Variants in PLA2G5 observed in about 807,000 individuals in gnomAD.
PLA2G5 encodes the protein Ca2+-dependent phospholipase A2.
PLA2G5 carries 12 observed loss-of-function variants against 15.9 expected under a neutral mutation model. That is an observed-to-expected ratio of 0.76 (90% CI 0.48 to 1.23). The LOEUF (loss-of-function observed/expected upper bound fraction) is 1.23. Among genes scored for constraint, PLA2G5 ranks in the 50% most tolerant of loss-of-function variants. The probability of loss-of-function intolerance (pLI) is 0.00; values close to 1 mark genes in which losing one functional copy is unlikely to be tolerated. For synonymous variants in PLA2G5, 71 were observed against 71.4 expected (o/e 0.99, Z 0.03); for missense variants, 169 against 177.1 (o/e 0.95, Z 0.26).
chr1:20,065,072 A>T (rs372089343), intron 2 of PLA2G5, among the ~76,000 whole-genome samples: 1 of 152,206 alleles, frequency 6.6e-6, no homozygotes, highest in African/African-American at 2.4e-5. Flanking sequence ...AATGCACGCA[A>T]TAACTTCAGG....
chr1:20,059,185 C>T (rs1278777678), intron 1 of PLA2G5, among the ~76,000 whole-genome samples: 1 of 150,596 alleles, frequency 6.6e-6, no homozygotes, highest in East Asian at 2.0e-4. Context: ...ATAATCCCAG[C>T]ACTTTGAGAG....
chr1:20,055,531 C>T (rs777490980), intron 1 of PLA2G5, among the ~76,000 whole-genome samples: 2 of 152,180 alleles, frequency 1.3e-5, no homozygotes, highest in Non-Finnish European at 1.5e-5. Context: ...TGATGTTTGG[C>T]TGCAGGACCA....
intron 1 of PLA2G5, among the ~76,000 whole-genome samples, chr1:20,031,426 G>A (rs1389021511): frequency 6.6e-6 from 1 of 152,146 alleles, no homozygotes; most frequent in East Asian, 1.9e-4. Flanking sequence ...TTGAGTGGGA[G>A]AGAAATTTTG....
rs542707220 is a variant in PLA2G5 at position 20,072,885 on chromosome 1, G to A, written c.-11+2420G>A. ...TCCCCTGTCTTAACAGACAGACACT[G>A]GGTTAGAAACTTTTCGGTGCTTGCA... On this transcript the variant is annotated intron_variant, in intron 1 of 4. Coordinates refer to ENST00000375108, the MANE Select transcript of PLA2G5 (RefSeq NM_000929.3). Among the ~76,000 whole-genome samples the A allele has an allele frequency of 4.6e-5, 7 of 152,332 alleles. 1 individual carries two copies. The East Asian group carries it at 1.3e-3, about 29-fold the overall frequency.
intron 1 of PLA2G5, among the ~76,000 whole-genome samples, chr1:20,045,059 G>A (rs1185158793): frequency 6.6e-6 from 1 of 152,154 alleles, no homozygotes; most frequent in East Asian, 1.9e-4. Flanking sequence ...TGGAGAAATT[G>A]AAAGTGCCAT....
chr1:20,088,602 T>C (rs949556675), intron 3 of PLA2G5, among the ~76,000 whole-genome samples: 22 of 152,108 alleles, frequency 1.4e-4, no homozygotes, highest in African/African-American at 5.3e-4. Flanking sequence ...TAGGAGGAAC[T>C]GGGTGTTTCC....
At chr1:20,079,369 C>T (rs770667660) in intron 1 of PLA2G5, among the ~76,000 whole-genome samples, 2 of 152,144 alleles carry the variant, frequency 1.3e-5, no homozygotes, top group Non-Finnish European at 2.9e-5. Context: ...TCAGTCAGCC[C>T]TGAGGTGATG....
intron 1 of PLA2G5, chr1:20,059,601 C>T (rs1265693185): frequency 1.3e-5 from 2 of 152,176 alleles, no homozygotes; most frequent in African/African-American, 4.8e-5. Flanking sequence ...TATGAACTGG[C>T]TTGCTCAACA....
At chr1:20,033,504 A>G (rs2013081709) in intron 1 of PLA2G5, among the ~76,000 whole-genome samples, 1 of 152,222 alleles carries the variant, frequency 6.6e-6, no homozygotes, top group Non-Finnish European at 1.5e-5. Flanking sequence ...CCTGTAGGTT[A>G]TGGGAAGATG....
chr1:20,072,199 C>G (rs937349302), intron 1 of PLA2G5, among the ~76,000 whole-genome samples: 1 of 152,156 alleles, frequency 6.6e-6, no homozygotes, highest in African/African-American at 2.4e-5. Flanking sequence ...CTGCTCCCTG[C>G]TTTATTTTTC....
intron 1 of PLA2G5, among the ~76,000 whole-genome samples, chr1:20,071,127 T>C (rs974132998): frequency 6.6e-6 from 1 of 151,996 alleles, no homozygotes; most frequent in Admixed American, 6.6e-5. Context: ...TGTGAGTCAT[T>C]TTTTTTTCTT....
intron 1 of PLA2G5, among the ~76,000 whole-genome samples, chr1:20,050,974 G>T (rs954356157): frequency 1.3e-5 from 2 of 152,002 alleles, no homozygotes; most frequent in Admixed American, 6.6e-5. Context: ...TTTTCTTTGG[G>T]TTATGTTTAT....
intron 1 of PLA2G5, among the ~76,000 whole-genome samples, chr1:20,039,068 A>G (rs1569637056): frequency 6.6e-6 from 1 of 152,238 alleles, no homozygotes; most frequent in East Asian, 1.9e-4. Flanking sequence ...TTGTGAACCT[A>G]TTGTGGCACC....
At chr1:20,032,654 A>G (rs2100274034) in intron 1 of PLA2G5, among the ~76,000 whole-genome samples, 1 of 152,264 alleles carries the variant, frequency 6.6e-6, no homozygotes, top group Admixed American at 6.5e-5. Flanking sequence ...CCAGTATGAA[A>G]ATGGTTGTGT....
chr1:20,073,677 G>A lies in PLA2G5; in HGVS notation c.-11+3212G>A, dbSNP rs1169144654. ...GCAGGCAGATCATTTGAGGTTGGGA[G>A]TTCGAGACCAGCCTGGCCAACATGG... On this transcript the variant is annotated intron_variant, in intron 1 of 4. Transcript: ENST00000375108. Among the ~76,000 whole-genome samples, 3 of 152,148 alleles carry A rather than the reference G, an allele frequency of 2.0e-5. No homozygotes were observed. In the East Asian group the frequency reaches 5.8e-4, roughly 29 times the overall value.
intron 1 of PLA2G5, among the ~76,000 whole-genome samples, chr1:20,081,829 G>A (rs187078494): frequency 1.2e-4 from 18 of 151,870 alleles, no homozygotes; most frequent in Non-Finnish European, 1.0e-4. Flanking sequence ...CGAGGTGGGC[G>A]GATCCTGAGG....
At chr1:20,029,909 A>G (rs1262725325) in intron 1 of PLA2G5, among the ~76,000 whole-genome samples, 6 of 152,214 alleles carry the variant, frequency 3.9e-5, no homozygotes, top group Admixed American at 3.9e-4. Flanking sequence ...CAGAAAGAAA[A>G]CAATAGGGGT....
At chr1:20,037,243 G>A (rs2013307691) in intron 1 of PLA2G5, among the ~76,000 whole-genome samples, 1 of 152,160 alleles carries the variant, frequency 6.6e-6, no homozygotes, top group Non-Finnish European at 1.5e-5. Flanking sequence ...TGTTCCATGG[G>A]GTGATCCCTT....
At chr1:20,086,539 G>A (rs968180714) in intron 3 of PLA2G5, among the ~76,000 whole-genome samples, 12 of 152,186 alleles carry the variant, frequency 7.9e-5, no homozygotes, top group African/African-American at 2.7e-4. Flanking sequence ...GGACAACTGA[G>A]GCTGGACAAT....
Sources: allele counts gnomAD v4.1 joint callset (sites outside exome capture counted in the v4.1 genomes callset), GRCh38; gene constraint gnomAD v4.1.1; transcripts MANE v1.5; gene names NCBI Gene and HGNC (gene_info 2026-07-23, HGNC 2026-07-21).